The following BBS9 variants were observed in gnomAD, a reference collection of about 807,000 sequenced individuals.
BBS9 encodes Bardet-Biedl syndrome 9.
Under a neutral mutation model 117.7 loss-of-function variants are expected in BBS9, and 89 were observed. That is an observed-to-expected ratio of 0.76 (90% CI 0.64 to 0.90). BBS9 has a LOEUF of 0.90. BBS9 is among the 40% of genes least tolerant of loss of function. The pLI, the probability that BBS9 is intolerant of heterozygous loss-of-function variation, is 0.00. For missense variants in BBS9, 982 were observed against 1,042.2 expected (o/e 0.94, Z 0.80); for synonymous variants, 379 against 370.9 (o/e 1.02, Z -0.25).
intron 5 of BBS9, among the ~76,000 whole-genome samples, chr7:33,200,877 T>G (rs1485187273): frequency 6.6e-6 from 1 of 152,196 alleles, no homozygotes; most frequent in Non-Finnish European, 1.5e-5. Flanking sequence ...GTGGGTTGGA[T>G]TTTTGAACAG....
intron 11 of BBS9, among the ~76,000 whole-genome samples, chr7:33,342,277 T>C (rs1156818942): frequency 6.6e-6 from 1 of 152,114 alleles, no homozygotes; most frequent in Non-Finnish European, 1.5e-5. Context: ...GTTTTAAATA[T>C]TGGCCATTCA....
intron 5 of BBS9, among the ~76,000 whole-genome samples, chr7:33,203,389 C>T (rs1266767711): frequency 6.6e-6 from 1 of 152,112 alleles, no homozygotes; most frequent in Non-Finnish European, 1.5e-5. Flanking sequence ...AACAGGTTTC[C>T]AGGTGATGCC....
At chr7:33,135,981 T>C (rs1472065606) in intron 1 of BBS9, among the ~76,000 whole-genome samples, 1 of 151,994 alleles carries the variant, frequency 6.6e-6, no homozygotes, top group African/African-American at 2.4e-5. Context: ...TGGAGTGTAG[T>C]GGTGTGATCA....
At chr7:33,280,594 T>G (rs1801621853) in intron 9 of BBS9, among the ~76,000 whole-genome samples, 1 of 152,190 alleles carries the variant, frequency 6.6e-6, no homozygotes, top group Admixed American at 6.5e-5. Context: ...TTGACTTTCC[T>G]AACTCTCCGA....
intron 5 of BBS9, among the ~76,000 whole-genome samples, chr7:33,216,916 A>T (rs1789177801): frequency 6.6e-6 from 1 of 152,182 alleles, no homozygotes; most frequent in Non-Finnish European, 1.5e-5. Flanking sequence ...CAACATGGTG[A>T]AACCCATCTC....
In BBS9 at chr7:33,146,285, T is replaced by C. The variant is rs1792328839; in HGVS notation, c.33T>C (p.Ser11=). The C allele has an allele frequency of 6.2e-7, 1 of 1,614,098 alleles. No homozygotes were observed. The change falls in exon 2 of 23, where the codon TCT becomes TCC. Residue 11 remains serine, a synonymous_variant. Transcript: ENST00000242067. ...TATTTAAAGCCCGTGATTGGTGGTC[T>C]ACTATTCTGGGAGATAAAGAAGAAT... MSLFKARDWW[S]TILGDKEEFD... is the part of the protein sequence containing the mutation.
intron 5 of BBS9, among the ~76,000 whole-genome samples, chr7:33,254,760 G>A (rs1429678035): frequency 6.6e-6 from 1 of 152,122 alleles, no homozygotes; most frequent in Non-Finnish European, 1.5e-5. Context: ...ATCATGTAGT[G>A]TTTGTCTTTT....
At chr7:33,140,318 C>T (rs925851452) in intron 1 of BBS9, among the ~76,000 whole-genome samples, 1 of 152,198 alleles carries the variant, frequency 6.6e-6, no homozygotes, top group Non-Finnish European at 1.5e-5. Flanking sequence ...GCCACCGCAC[C>T]CAGCCGGATT....
At chr7:33,621,930 C>T (rs893115143) in intron 21 of BBS9, among the ~76,000 whole-genome samples, 35 of 152,150 alleles carry the variant, frequency 2.3e-4, no homozygotes, top group Admixed American at 2.3e-3. Context: ...CTACAATGGG[C>T]TGGGCGCAGT....
intron 1 of BBS9, among the ~76,000 whole-genome samples, chr7:33,144,689 A>G (rs1792059987): frequency 6.6e-6 from 1 of 152,170 alleles, no homozygotes; most frequent in Non-Finnish European, 1.5e-5. Flanking sequence ...ATGTTCCTAA[A>G]AGCAAGAAGG....
At chr7:33,366,085 T>A (rs1821659188) in intron 16 of BBS9, among the ~76,000 whole-genome samples, 1 of 151,800 alleles carries the variant, frequency 6.6e-6, no homozygotes, top group Non-Finnish European at 1.5e-5. Context: ...TTTGGAGAGG[T>A]GGTGGTTTTG....
At position 33,299,448 on chromosome 7, in the gene BBS9, G is replaced by A. The variant is rs75321910; in HGVS notation, c.1016+25492G>A. Among the ~76,000 whole-genome samples the A allele has an allele frequency of 0.018, 2,733 of 151,624 alleles. 216 individuals carry two copies. In the East Asian group the frequency reaches 0.27, roughly 15 times the overall value. Reference sequence around the variant, plus strand: ...GCCCTGAGCCAGCTGAAATAAGATTGAGCTAATTTATGCCACTGTTTTTCC... The same window carrying A: ...GCCCTGAGCCAGCTGAAATAAGATTAAGCTAATTTATGCCACTGTTTTTCC... On this transcript the variant is annotated intron_variant, in intron 9 of 22. Transcript: ENST00000242067.
chr7:33,171,346 AG>A (rs1796542183), intron 4 of BBS9, among the ~76,000 whole-genome samples: 1 of 152,132 alleles, frequency 6.6e-6, no homozygotes. Flanking sequence ...AAAAACAAGC[AG>A]TGGGGAAAGG....
chr7:33,234,951 A>C (rs939552473), intron 5 of BBS9, among the ~76,000 whole-genome samples: 7 of 151,778 alleles, frequency 4.6e-5, no homozygotes, highest in African/African-American at 1.7e-4. Flanking sequence ...TAATATAATC[A>C]TTTTTTCTCC....
At chr7:33,331,582 G>A (rs953640167) in intron 9 of BBS9, among the ~76,000 whole-genome samples, 17 of 149,800 alleles carry the variant, frequency 1.1e-4, no homozygotes, top group Non-Finnish European at 1.3e-4. Flanking sequence ...ATCAATGTAC[G>A]TAGATCAGTA....
chr7:33,535,950 T>C (rs548349757), intron 21 of BBS9, among the ~76,000 whole-genome samples: 15 of 152,172 alleles, frequency 9.9e-5, no homozygotes, highest in African/African-American at 3.6e-4. Flanking sequence ...ATCCCTGTCT[T>C]AGTCGTTTTT....
chr7:33,260,746 A>T (rs940821339), intron 6 of BBS9, among the ~76,000 whole-genome samples: 6 of 152,234 alleles, frequency 3.9e-5, no homozygotes, highest in Admixed American at 2.6e-4. Context: ...CATACAGGCT[A>T]TAGCAGAGCT....
intron 9 of BBS9, among the ~76,000 whole-genome samples, chr7:33,278,088 A>G (rs143836627): frequency 6.6e-6 from 1 of 152,326 alleles, no homozygotes; most frequent in Admixed American, 6.5e-5. Context: ...GGGAGCTTGA[A>G]GGTTAGAGGC....
At chr7:33,374,792 T>C (rs142384444) in intron 17 of BBS9, among the ~76,000 whole-genome samples, 47 of 151,428 alleles carry the variant, frequency 3.1e-4, no homozygotes, top group African/African-American at 1.0e-3. Flanking sequence ...TCCCACCTAC[T>C]TGGGAGGTTG....
Sources: allele counts gnomAD v4.1 joint callset (sites outside exome capture counted in the v4.1 genomes callset), GRCh38; gene constraint gnomAD v4.1.1; transcripts MANE v1.5; gene names NCBI Gene and HGNC (gene_info 2026-07-23, HGNC 2026-07-21).